NBEA: variants seen among roughly 807,000 people sequenced by gnomAD.
NBEA encodes the protein lysosomal-trafficking regulator 2.
Under a neutral mutation model 343.4 loss-of-function variants are expected in NBEA, and 44 were observed. That is an observed-to-expected ratio of 0.13 (90% CI 0.10 to 0.16). The LOEUF (loss-of-function observed/expected upper bound fraction) is 0.16, where lower values mean the gene tolerates loss of function less well. NBEA is among the 10% of genes least tolerant of loss of function. NBEA has a pLI of 1.00. For synonymous variants in NBEA, 1,175 were observed against 1,238.7 expected (o/e 0.95, Z 1.08); for missense variants, 2,555 against 3,631.3 (o/e 0.70, Z 7.62).
chr13:35,091,126 A>G (rs976133317), intron 10 of NBEA, among the ~76,000 whole-genome samples: 1 of 151,928 alleles, frequency 6.6e-6, no homozygotes, highest in Non-Finnish European at 1.5e-5. Flanking sequence ...TAGAAGCCAA[A>G]ACTCTGAGGG....
chr13:35,609,343 G>A (rs1686510434), intron 48 of NBEA, among the ~76,000 whole-genome samples: 2 of 152,168 alleles, frequency 1.3e-5, no homozygotes, highest in Non-Finnish European at 2.9e-5. Context: ...ATTTTCAGTG[G>A]TACCCATTCC....
At chr13:35,226,751 C>G (rs527613047) in intron 33 of NBEA, among the ~76,000 whole-genome samples, 1 of 142,394 alleles carries the variant, frequency 7.0e-6, no homozygotes, top group South Asian at 2.2e-4. Flanking sequence ...TTGGGGATGT[C>G]TAAGGGCATC....
chr13:35,143,915 CAAA>C (rs1470196154), intron 18 of NBEA, among the ~76,000 whole-genome samples: 1 of 140,416 alleles, frequency 7.1e-6, no homozygotes, highest in African/African-American at 3.0e-5. Context: ...AAAAAAAAAA[CAAA>C]AACAAATTTA....
At chr13:35,254,675 C>T (rs1462485489) in intron 34 of NBEA, among the ~76,000 whole-genome samples, 1 of 151,854 alleles carries the variant, frequency 6.6e-6, no homozygotes, top group Non-Finnish European at 1.5e-5. Flanking sequence ...AATTTTGTTC[C>T]TATTTTAAAA....
intron 10 of NBEA, among the ~76,000 whole-genome samples, chr13:35,083,886 A>G (rs1430575643): frequency 6.6e-6 from 1 of 152,158 alleles, no homozygotes; most frequent in Admixed American, 6.6e-5. Context: ...AGGAAGATCT[A>G]CCAAGCAAAC....
At chr13:35,026,220 A>T (rs1006676876) in intron 1 of NBEA, among the ~76,000 whole-genome samples, 1 of 152,028 alleles carries the variant, frequency 6.6e-6, no homozygotes, top group Admixed American at 6.6e-5. Context: ...TTCTGCCATA[A>T]GTGTAAGTTT....
At chr13:35,217,417 G>A (rs1370783028) in intron 33 of NBEA, among the ~76,000 whole-genome samples, 1 of 151,662 alleles carries the variant, frequency 6.6e-6, no homozygotes, top group Non-Finnish European at 1.5e-5. Flanking sequence ...TAAGCTTTTG[G>A]TGTCATGTCT....
intron 41 of NBEA, chr13:35,476,676 C>A: frequency 2.6e-6 from 2 of 765,410 alleles, no homozygotes; most frequent in Non-Finnish European, 3.5e-6. Flanking sequence ...GAAGAAGCTG[C>A]TGTTGGTTTG....
chr13:34,944,930 T>G (rs532383102), intron 1 of NBEA, among the ~76,000 whole-genome samples: 7 of 152,322 alleles, frequency 4.6e-5, no homozygotes, highest in African/African-American at 1.7e-4. Context: ...CAATGTGTGC[T>G]GAATCAGTTC....
chr13:35,164,822 A>G (rs1335894477), intron 24 of NBEA, among the ~76,000 whole-genome samples: 1 of 152,078 alleles, frequency 6.6e-6, no homozygotes, highest in Non-Finnish European at 1.5e-5. Flanking sequence ...GTTATTTAAC[A>G]TTTTCATTTA....
At chr13:35,365,486 G>A (rs2041048553) in intron 38 of NBEA, among the ~76,000 whole-genome samples, 1 of 151,538 alleles carries the variant, frequency 6.6e-6, no homozygotes, top group Admixed American at 6.6e-5. Flanking sequence ...TAACTTAGCT[G>A]CTTATTAAAA....
At chr13:35,569,100 T>C (rs1230952004) in intron 45 of NBEA, among the ~76,000 whole-genome samples, 2 of 151,912 alleles carry the variant, frequency 1.3e-5, no homozygotes, top group African/African-American at 2.4e-5. Context: ...AATAATAGAG[T>C]GGTGAATCAT....
chr13:35,101,402 A>G (rs1337910277), intron 11 of NBEA, among the ~76,000 whole-genome samples: 2 of 151,830 alleles, frequency 1.3e-5, no homozygotes, highest in African/African-American at 2.4e-5. Context: ...TGGCTTATCA[A>G]TTTTAAATTT....
chr13:35,440,902 T>G (rs1005396242), intron 39 of NBEA, among the ~76,000 whole-genome samples: 7 of 152,196 alleles, frequency 4.6e-5, no homozygotes, highest in African/African-American at 1.7e-4. Flanking sequence ...CTGCTAATAT[T>G]TGGTTGGCGC....
intron 48 of NBEA, among the ~76,000 whole-genome samples, chr13:35,617,678 C>T (rs1476811739): frequency 2.0e-5 from 3 of 152,186 alleles, no homozygotes; most frequent in Non-Finnish European, 4.4e-5. Context: ...GTCTCCTGTG[C>T]TGCTTCAACT....
chr13:35,279,268 AC>A (rs2034878028), intron 34 of NBEA, among the ~76,000 whole-genome samples: 1 of 152,190 alleles, frequency 6.6e-6, no homozygotes, highest in Non-Finnish European at 1.5e-5. Context: ...ATTGCTGTAG[AC>A]TGTAATAAAA....
rs372366538 is a variant in NBEA, at chr13:35,142,294, C to A, written c.2362C>A (p.His788Asn). Reference protein sequence around the residue: ...HKRKVEIMHTHSLFTLLGERL... With the variant: ...HKRKVEIMHTNSLFTLLGERL... ...GAGAAAAGTTGAAATTATGCACACC[C>A]ATAGTCTTTTCACTCTTCTTGGAGA... The change falls in exon 18 of 59, where the codon CAT becomes AAT. Residue 788 changes from histidine to asparagine, a missense_variant. Transcript: ENST00000379939. The A allele has an allele frequency of 6.2e-7, 1 of 1,612,886 alleles. No homozygotes were observed. Among genetic ancestry groups the A allele is most frequent in the Admixed American group, 1.7e-5 (1 of 59,988 alleles).
chr13:35,250,362 G>T (rs975805134), intron 34 of NBEA, among the ~76,000 whole-genome samples: 11 of 151,996 alleles, frequency 7.2e-5, no homozygotes, highest in African/African-American at 2.7e-4. Flanking sequence ...TAGAAAAAAT[G>T]GGCAAAAGAA....
At chr13:35,165,143 T>C (rs760361622) in intron 24 of NBEA, 1 of 532,928 alleles carries the variant, frequency 1.9e-6, no homozygotes, top group East Asian at 5.5e-5. Flanking sequence ...AAAGCATACC[T>C]TTGCCAGAGG....
Sources: allele counts gnomAD v4.1 joint callset (sites outside exome capture counted in the v4.1 genomes callset), GRCh38; gene constraint gnomAD v4.1.1; transcripts MANE v1.5; gene names NCBI Gene and HGNC (gene_info 2026-07-23, HGNC 2026-07-21).